Variants in INVS observed in about 807,000 individuals in gnomAD.
INVS encodes inversin, also known as inversion of embryo turning homolog.
A neutral mutation model predicts 108.8 loss-of-function variants in INVS; 86 were observed. The ratio of observed to expected loss-of-function variants is 0.79; its 90% CI spans 0.66 to 0.95. The LOEUF is 0.95. INVS is among the 40% of genes least tolerant of loss of function. INVS has a pLI of 0.00. For missense variants in INVS, 1,169 were observed against 1,297.4 expected (o/e 0.90, Z 1.52); for synonymous variants, 455 against 473.5 (o/e 0.96, Z 0.51).
intron 3 of INVS, among the ~76,000 whole-genome samples, chr9:100,184,922 G>A (rs1486578482): frequency 6.6e-6 from 1 of 152,150 alleles, no homozygotes; most frequent in African/African-American, 2.4e-5. Context: ...CAATTAATTT[G>A]TGATCCTTTG....
chr9:100,156,320 G>A (rs547730691), intron 3 of INVS, among the ~76,000 whole-genome samples: 5 of 146,760 alleles, frequency 3.4e-5, no homozygotes, highest in Middle Eastern at 3.5e-3. Context: ...GAGTGCAGTG[G>A]TGCGGTCTCG....
At chr9:100,274,988 G>A (rs1419933925) in intron 12 of INVS, among the ~76,000 whole-genome samples, 1 of 152,196 alleles carries the variant, frequency 6.6e-6, no homozygotes, top group Non-Finnish European at 1.5e-5. Context: ...ATACCACTAT[G>A]TACTGGAATG....
chr9:100,191,231 C>A (rs967375410), intron 3 of INVS, among the ~76,000 whole-genome samples: 4 of 152,146 alleles, frequency 2.6e-5, no homozygotes, highest in Non-Finnish European at 5.9e-5. Context: ...AAATCTCTAG[C>A]AAGGTCAGGG....
intron 8 of INVS, among the ~76,000 whole-genome samples, chr9:100,249,072 A>G (rs1832139178): frequency 6.6e-6 from 1 of 152,072 alleles, no homozygotes; most frequent in Non-Finnish European, 1.5e-5. Context: ...GTGATTTCAC[A>G]TTTGAAGAGC....
rs370643191 is a variant in INVS at position 100,292,592 on chromosome 9, C to T, written c.2335C>T (p.Arg779Trp). The T allele has an allele frequency of 4.5e-5, 72 of 1,614,060 alleles. No homozygotes were observed. Among genetic ancestry groups the T allele is most frequent in the African/African-American group, 2.4e-4 (18 of 74,912 alleles). Reference sequence around the variant, plus strand: ...CGATAGCCACTGGAAGCCCAGCAGGCGGCATGACACAGAACCCAAGGCCAA... The same window carrying T: ...CGATAGCCACTGGAAGCCCAGCAGGTGGCATGACACAGAACCCAAGGCCAA... ...PHDSHWKPSR[R>W]HDTEPKAKCA... is the part of the protein sequence containing the mutation. The change falls in exon 14 of 17, where the codon CGG becomes TGG. Residue 779 changes from arginine to tryptophan, a missense_variant. Around this residue, in one of 3 missense-constraint regions of INVS, gnomAD observed 533 missense variants for 536.0 expected, o/e 0.99. Coordinates refer to ENST00000262457, the MANE Select transcript of INVS (RefSeq NM_014425.5).
At chr9:100,270,142 G>C (rs1196138054) in intron 11 of INVS, among the ~76,000 whole-genome samples, 2 of 151,346 alleles carry the variant, frequency 1.3e-5, no homozygotes, top group Admixed American at 6.6e-5. Flanking sequence ...GCAGTGTTTT[G>C]AGTTCATAAA....
chr9:100,175,794 C>A, intron 3 of INVS: 1 of 652,248 alleles, frequency 1.5e-6, no homozygotes, highest in Non-Finnish European at 2.9e-6. Context: ...CTAGAACAGC[C>A]ATTCCTGAAC....
At chr9:100,145,771 CTG>C (rs897145444) in intron 3 of INVS, among the ~76,000 whole-genome samples, 7 of 152,146 alleles carry the variant, frequency 4.6e-5, no homozygotes, top group Non-Finnish European at 8.8e-5. Context: ...CAAGGGAAGA[CTG>C]TCTTCCCTAG....
rs749624236 is a variant in INVS at position 100,297,994 on chromosome 9, G to A, written c.3075G>A (p.Val1025=). The stretch of plus-strand genomic sequence containing the variant: ...CAAGATCTGTAAAAGCCTCTTCTGT[G>A]CTGCGTCTCAACTCAGGTAAGGCAG... ...HPTRSVKASS[V]LRLNSVSNLQ... is the part of the protein sequence containing the mutation. The change falls in exon 16 of 17, where the codon GTG becomes GTA. Residue 1025 remains valine (V), a synonymous_variant. Transcript: ENST00000262457. 6.2e-7 allele frequency: 1 copy of A among 1,614,176 alleles called. No homozygotes were observed. The highest frequency in any genetic ancestry group is 8.5e-7 in the Non-Finnish European group (1 of 1,179,988).
At chr9:100,255,854 G>C (rs1035089905) in intron 10 of INVS, among the ~76,000 whole-genome samples, 1 of 152,166 alleles carries the variant, frequency 6.6e-6, no homozygotes, top group Non-Finnish European at 1.5e-5. Flanking sequence ...ATGTTCATCA[G>C]GGATATTGGT....
At chr9:100,296,326 C>T (rs1833790598) in intron 14 of INVS, among the ~76,000 whole-genome samples, 1 of 152,114 alleles carries the variant, frequency 6.6e-6, no homozygotes, top group South Asian at 2.1e-4. Flanking sequence ...ATCCCCATTC[C>T]TCACCCACTC....
Position 100,302,143 on chromosome 9 carries a change from A to AAGAT in INVS, c.*1474_*1477dup, listed in dbSNP as rs371133850. 1,023 of 1,131,866 alleles carry AAGAT rather than the reference A, an allele frequency of 9.0e-4. 7 individuals are homozygous for AAGAT. In the African/African-American group the frequency reaches 0.013, roughly 14 times the overall value. 70.1% of individuals were successfully genotyped at this position (1,131,866 alleles called of 1,614,324 possible). ...ATTACATCAGTCTTTTTCTTCAAATAAGATAGATGTGAATAAACAACTTCA... is the reference window on the plus strand; with the variant it reads ...ATTACATCAGTCTTTTTCTTCAAATAAGATAGATAGATGTGAATAAACAACTTCA... On this transcript the variant is annotated 3_prime_UTR_variant, in exon 17 of 17. Transcript: ENST00000262457.
rs1829695278 is a variant in INVS, at chr9:100,175,858, C to T, written c.273+49309C>T. The T allele has an allele frequency of 6.2e-6, 4 of 645,654 alleles. No homozygotes were observed. The African/African-American group carries it at 7.3e-5, about 12-fold the overall frequency. The allele number at this position is 645,654 out of a possible 1,614,324, so 40.0% of individuals were successfully genotyped here. On this transcript the variant is annotated intron_variant, in intron 3 of 16. Transcript: ENST00000262457. ...ACAATCAGGCCTGGAACAATCCCTT[C>T]TATAGCTGTGGAGAGGAATCTCTGC...
rs780793604 is a variant in INVS, at chr9:100,284,584, A to G, written c.2049A>G (p.Thr683=). Residue 683 remains threonine, a synonymous_variant, in exon 13 of 17, where the codon ACA becomes ACG. Transcript: ENST00000262457. ...EQHVSSDLQG[T]NSRRPNETAR... ...ATGTTTCCTCAGATTTGCAGGGAACAAACTCCAGAAGGCCAAATGGTAGGT... is the reference window on the plus strand; with the variant it reads ...ATGTTTCCTCAGATTTGCAGGGAACGAACTCCAGAAGGCCAAATGGTAGGT... The G allele has an allele frequency of 1.2e-6, 2 of 1,613,564 alleles. No individual in the cohort carries two copies. Among genetic ancestry groups the G allele is most frequent in the South Asian group, 1.1e-5 (1 of 90,978 alleles).
At chr9:100,265,647 G>A (rs191620185) in intron 11 of INVS, among the ~76,000 whole-genome samples, 3 of 152,296 alleles carry the variant, frequency 2.0e-5, no homozygotes, top group African/African-American at 7.2e-5. Flanking sequence ...ACAAAGAGAT[G>A]CCACCATGTA....
chr9:100,195,592 A>T (rs1830349734), intron 3 of INVS, among the ~76,000 whole-genome samples: 1 of 152,100 alleles, frequency 6.6e-6, no homozygotes, highest in Admixed American at 6.6e-5. Context: ...GGTTCAAGCA[A>T]TTCTCCTGGC....
chr9:100,130,758 C>T (rs1828032815), intron 3 of INVS: 1 of 152,208 alleles, frequency 6.6e-6, no homozygotes, highest in South Asian at 2.1e-4. Flanking sequence ...ATTCATTCAA[C>T]ATGTGTTAAA....
At position 100,298,229 on chromosome 9, in the gene INVS, G is replaced by T. The variant is rs1055645084; in HGVS notation, c.3091+219G>T. 7 of 1,441,580 alleles carry T rather than the reference G, an allele frequency of 4.9e-6. No homozygotes were observed. The African/African-American group carries it at 8.6e-5, about 18-fold the overall frequency. The allele number at this position is 1,441,580 out of a possible 1,614,324, so 89.3% of individuals were successfully genotyped here. ...ATTATTGTTAACATTAACTCCAACA[G>T]AAATAAATGGTAGCTATTATTGATC... On this transcript the variant is annotated intron_variant, in intron 16 of 16. Coordinates refer to ENST00000262457, the MANE Select transcript of INVS (RefSeq NM_014425.5).
chr9:100,292,288 G>C (rs1265387508), intron 13 of INVS, 38 bp from the exon 14 acceptor site: 2 of 1,549,762 alleles, frequency 1.3e-6, no homozygotes, highest in Non-Finnish European at 1.8e-6. Flanking sequence ...ATCCTACTCT[G>C]CAAGTTTTGG....
Sources: gnomAD v4.1 joint callset for allele counts (sites outside exome capture counted in the v4.1 genomes callset) on GRCh38, gnomAD v4.1.1 for gene constraint, gnomAD v4.1.1 regional missense constraint, MANE v1.5 for transcripts, NCBI Gene and HGNC (gene_info 2026-07-23, HGNC 2026-07-21) for gene names.